The following STK10 variants were observed in gnomAD, a reference collection of about 807,000 sequenced individuals.
STK10 encodes the protein serine/threonine-protein kinase 10.
In STK10, 78 loss-of-function variants were observed where a neutral mutation model predicts 113.8. That is an observed-to-expected ratio of 0.69 (90% CI 0.57 to 0.83). The LOEUF is 0.83. Ranked by LOEUF, STK10 falls within the 40% of genes least tolerant of loss-of-function variation. The pLI is 0.00. For missense variants in STK10, 1,109 were observed against 1,280.1 expected (o/e 0.87, Z 2.04); for synonymous variants, 465 against 494.7 (o/e 0.94, Z 0.80).
In STK10 at chr5:172,117,634, G is replaced by C; in HGVS notation, c.371-4C>G. ...TCCGTGAGGCCTCTGTCCAGCTCTG[G>C]AAATGGAGGAGAACGGCTGTCAATT... is the stretch of plus-strand genomic sequence containing the variant. On this transcript the variant is annotated splice_region_variant and splice_polypyrimidine_tract_variant and intron_variant, in intron 3 of 18. Transcript: ENST00000176763. The C allele has an allele frequency of 6.2e-7, 1 of 1,613,914 alleles. No individual in the cohort carries two copies. The highest frequency in any genetic ancestry group is 8.5e-7 in the Non-Finnish European group (1 of 1,179,964).
intron 1 of STK10, among the ~76,000 whole-genome samples, chr5:172,174,794 A>G (rs1770730302): frequency 6.6e-6 from 1 of 152,096 alleles, no homozygotes; most frequent in Non-Finnish European, 1.5e-5. Context: ...CGCCAGCGCA[A>G]TGGCAATGGT....
At chr5:172,092,391 G>A (rs1768733027) in intron 9 of STK10, 1 of 152,100 alleles carries the variant, frequency 6.6e-6, no homozygotes, top group Non-Finnish European at 1.5e-5. Flanking sequence ...CCTGCTTTAG[G>A]TGGGTCTGTC....
At chr5:172,181,486 A>ATT (rs557756323) in intron 1 of STK10, among the ~76,000 whole-genome samples, 1 of 144,226 alleles carries the variant, frequency 6.9e-6, no homozygotes, top group Non-Finnish European at 1.5e-5. Flanking sequence ...ATTTATTTTA[A>ATT]TTTTTTTTTT....
rs1769803556 is a variant in STK10, at chr5:172,133,841, G to C, written c.322-6420C>G. ...ACCAAAAGTACCTGATCCCACGCTTGGCAGGAGATGATGAGTAACCACACT... is the reference window on the plus strand; with the variant it reads ...ACCAAAAGTACCTGATCCCACGCTTCGCAGGAGATGATGAGTAACCACACT... On this transcript the variant is annotated intron_variant, in intron 2 of 18. Coordinates refer to ENST00000176763, the MANE Select transcript of STK10 (RefSeq NM_005990.4). This position sits in a 1 kb window ranked among gnomAD's most constrained non-coding sequence, Gnocchi z 4.9. 6.6e-6 allele frequency among the ~76,000 whole-genome samples: 1 copy of C among 152,200 alleles called. No homozygotes were observed. The highest frequency in any genetic ancestry group is 1.5e-5 in the Non-Finnish European group (1 of 68,032).
At chr5:172,063,482 G>T (rs1767978798) in intron 13 of STK10, 1 of 152,216 alleles carries the variant, frequency 6.6e-6, no homozygotes, top group Non-Finnish European at 1.5e-5. Context: ...AACTCCTTCA[G>T]GATTTTCAGA....
intron 1 of STK10, among the ~76,000 whole-genome samples, chr5:172,175,895 A>C (rs1326449357): frequency 6.6e-6 from 1 of 152,160 alleles, no homozygotes; most frequent in African/African-American, 2.4e-5. Flanking sequence ...TCAGGTGTGG[A>C]GTGAGGATAT....
At position 172,064,743 on chromosome 5, in the gene STK10, G is replaced by C; in HGVS notation, c.2059C>G (p.His687Asp). 1.2e-6 allele frequency: 2 copies of C among 1,614,130 alleles called. No individual in the cohort carries two copies. The highest frequency in any genetic ancestry group is 1.7e-6 in the Non-Finnish European group (2 of 1,180,008). Residue 687 changes from histidine (H) to aspartate (D), a missense_variant, in exon 13 of 19, where the codon CAC becomes GAC. By Grantham distance (81) the His-to-Asp change is moderately conservative (BLOSUM62 -1). Coordinates refer to ENST00000176763, the MANE Select transcript of STK10 (RefSeq NM_005990.4). ...ACAAGAAGCTGCTTTTTCTGCGTGT[G>C]CTCCTCCATCTTCTGCTTCATGCTT... ...KESMKQKMEE[H>D]TQKKQLLDRD...
chr5:172,054,708 A>C lies in STK10; in HGVS notation c.2527-14T>G. ...CTGCTGGGAGAACTGCACCAGAGAG[A>C]GGGTGGGTGCCTCAGGGGACCAGGG... On this transcript the variant is annotated splice_polypyrimidine_tract_variant and intron_variant, in intron 16 of 18. Transcript: ENST00000176763. 4 of 1,607,414 alleles carry C rather than the reference A, an allele frequency of 2.5e-6. No individual in the cohort carries two copies. The highest frequency in any genetic ancestry group is 3.4e-6 in the Non-Finnish European group (4 of 1,179,902).
intron 9 of STK10, among the ~76,000 whole-genome samples, chr5:172,092,249 AAGGAAC>A (rs1015051848): frequency 6.6e-6 from 1 of 152,148 alleles, no homozygotes; most frequent in Non-Finnish European, 1.5e-5. Context: ...TCCATCCCTG[AAGGAAC>A]AGGCTCCTAG....
At chr5:172,065,098 T>A (rs1169370107) in intron 12 of STK10, among the ~76,000 whole-genome samples, 1 of 152,192 alleles carries the variant, frequency 6.6e-6, no homozygotes, top group African/African-American at 2.4e-5. Context: ...CACCTCAGTT[T>A]CCTGCAGGGA....
intron 2 of STK10, among the ~76,000 whole-genome samples, chr5:172,153,382 G>A (rs1292541939): frequency 2.0e-5 from 3 of 152,178 alleles, no homozygotes; most frequent in Non-Finnish European, 4.4e-5. Flanking sequence ...GAGCATTTTG[G>A]CTTGTTTTTC....
intron 15 of STK10, chr5:172,056,993 A>AAGAAAGAAAGAAAGAG (rs1561790200): frequency 1.9e-5 from 1 of 51,976 alleles, no homozygotes; most frequent in East Asian, 5.3e-4. Flanking sequence ...GAAAGAAAGA[A>AAGAAAGAAAGAAAGAG]AGAGAAAGAA....
intron 2 of STK10, among the ~76,000 whole-genome samples, chr5:172,149,276 C>G (rs1770154224): frequency 6.6e-6 from 1 of 152,254 alleles, no homozygotes; most frequent in Non-Finnish European, 1.5e-5. Flanking sequence ...GGCCAACTAT[C>G]CACATCATCA....
chr5:172,167,216 C>T (rs966689796), intron 1 of STK10, among the ~76,000 whole-genome samples: 2 of 150,322 alleles, frequency 1.3e-5, no homozygotes, highest in African/African-American at 4.9e-5. Flanking sequence ...GGATCATGTT[C>T]AGTTTATATT....
intron 5 of STK10, 88 bp downstream of exon 5, chr5:172,107,692 C>T (rs571937384): frequency 1.3e-5 from 17 of 1,358,412 alleles, no homozygotes; most frequent in South Asian, 5.0e-5. Context: ...CCTTGTCTTC[C>T]GGCCCCTCTC....
chr5:172,161,140 C>G (rs1770461726), intron 1 of STK10, among the ~76,000 whole-genome samples: 1 of 152,194 alleles, frequency 6.6e-6, no homozygotes, highest in Admixed American at 6.5e-5. Context: ...CACCAAGGAG[C>G]CTTCTGGAAG....
In STK10 at chr5:172,044,836, A is replaced by C; in HGVS notation, c.*46T>G. The C allele has an allele frequency of 6.2e-7, 1 of 1,613,638 alleles. No individual in the cohort carries two copies. The highest frequency in any genetic ancestry group is 1.1e-5 in the South Asian group (1 of 91,072). On this transcript the variant is annotated 3_prime_UTR_variant, in exon 19 of 19. Transcript: ENST00000176763. The surrounding 1 kb of genome is among the most constrained non-coding windows in gnomAD (Gnocchi z 4.5). ...ACATGTTCACAGAGAATGAAGGAGA[A>C]GGCCCTGGGGCCCACCAAGCTGCCA... is the stretch of plus-strand genomic sequence containing the variant.
intron 2 of STK10, among the ~76,000 whole-genome samples, chr5:172,153,894 C>A (rs892555092): frequency 2.0e-5 from 3 of 152,220 alleles, no homozygotes; most frequent in Admixed American, 6.5e-5. Flanking sequence ...CTGCAAGACC[C>A]CGTTCAAATG....
intron 4 of STK10, among the ~76,000 whole-genome samples, chr5:172,109,023 G>A (rs545450619): frequency 6.6e-6 from 1 of 152,180 alleles, no homozygotes; most frequent in East Asian, 2.0e-4. Context: ...AACCTCAGGT[G>A]GTCCACCAGC....
Sources: gnomAD v4.1 joint callset for allele counts (sites outside exome capture counted in the v4.1 genomes callset) on GRCh38, gnomAD v4.1.1 for gene constraint, Gnocchi (gnomAD v3.1) non-coding constraint, MANE v1.5 for transcripts, NCBI Gene and HGNC (gene_info 2026-07-23, HGNC 2026-07-21) for gene names.